Variants in GUCY1A2 observed in about 807,000 individuals in gnomAD.
GUCY1A2 encodes guanylate cyclase soluble subunit alpha-2.
A neutral mutation model predicts 63.5 loss-of-function variants in GUCY1A2; 27 were observed. The ratio of observed to expected loss-of-function variants is 0.43; its 90% CI spans 0.31 to 0.59. The LOEUF is 0.59. Ranked by LOEUF, GUCY1A2 falls within the 20% of genes least tolerant of loss-of-function variation. The pLI is 0.11. For synonymous variants in GUCY1A2, 364 were observed against 343.5 expected (o/e 1.06, Z -0.66); for missense variants, 768 against 913.3 (o/e 0.84, Z 2.05).
At chr11:106,825,104 A>G in intron 4 of GUCY1A2, 2 of 700,154 alleles carry the variant, frequency 2.9e-6, no homozygotes, top group Non-Finnish European at 4.5e-6. Context: ...CTGAAGATCT[A>G]AACTTTTGAG....
At chr11:106,832,651 C>T (rs186988421) in intron 4 of GUCY1A2, among the ~76,000 whole-genome samples, 12 of 152,074 alleles carry the variant, frequency 7.9e-5, no homozygotes, top group Admixed American at 7.9e-4. Context: ...CAGGAAAATC[C>T]CCTATATAAG....
intron 4 of GUCY1A2, among the ~76,000 whole-genome samples, chr11:106,922,176 C>T (rs1162126349): frequency 6.6e-6 from 1 of 152,154 alleles, no homozygotes; most frequent in Non-Finnish European, 1.5e-5. Context: ...CAACATTTGT[C>T]TCTCTGTTTC....
At chr11:106,704,942 T>G (rs1862882499) in intron 7 of GUCY1A2, among the ~76,000 whole-genome samples, 1 of 151,302 alleles carries the variant, frequency 6.6e-6, no homozygotes, top group Non-Finnish European at 1.5e-5. Flanking sequence ...GCATATATTA[T>G]GTGCACTATT....
In GUCY1A2 at chr11:106,761,301, A is replaced by G. The variant is rs117604127; in HGVS notation, c.1836+15138T>C. Among the ~76,000 whole-genome samples, 1,147 of 152,278 alleles carry G rather than the reference A, an allele frequency of 7.5e-3. 4 individuals carry two copies. The highest frequency in any genetic ancestry group is 0.012 in the Non-Finnish European group (791 of 68,026). The stretch of plus-strand genomic sequence containing the variant: ...GCTTACAAAATGTTAGTTATTCACA[A>G]CCAAATTTCCTAAGCTACTATATAA... On this transcript the variant is annotated intron_variant, in intron 6 of 7. Transcript: ENST00000526355.
chr11:106,767,637 C>T (rs923592120), intron 6 of GUCY1A2, among the ~76,000 whole-genome samples: 1 of 152,066 alleles, frequency 6.6e-6, no homozygotes, highest in Non-Finnish European at 1.5e-5. Context: ...CATTGACATA[C>T]ACATCACAGA....
chr11:106,999,745 ATTG>A (rs1201896284), intron 1 of GUCY1A2, among the ~76,000 whole-genome samples: 27 of 152,296 alleles, frequency 1.8e-4, no homozygotes, highest in African/African-American at 6.5e-4. Flanking sequence ...GTCCAATGGA[ATTG>A]TTAATTTCTA....
chr11:106,980,095 A>C (rs1861315296), intron 2 of GUCY1A2, among the ~76,000 whole-genome samples: 1 of 152,208 alleles, frequency 6.6e-6, no homozygotes, highest in Non-Finnish European at 1.5e-5. Context: ...CTGACTGATA[A>C]GAGGAAGAAG....
chr11:106,779,694 C>T (rs1200879515), intron 5 of GUCY1A2, among the ~76,000 whole-genome samples: 8 of 151,984 alleles, frequency 5.3e-5, no homozygotes, highest in Non-Finnish European at 1.2e-4. Context: ...ATATGTATGA[C>T]TAGAATTTGC....
rs1860868934 is a variant in GUCY1A2 at position 106,949,051 on chromosome 11, T to A, written c.488-8873A>T. Among the ~76,000 whole-genome samples, 4 of 152,150 alleles carry A rather than the reference T, an allele frequency of 2.6e-5. No individual in the cohort carries two copies. The South Asian group carries it at 8.3e-4, about 32-fold the overall frequency. ...AGCTAAGCTAAAACTGTCAAAATAA[T>A]TTAGAATATGATTTTTTTATTTTAA... On this transcript the variant is annotated intron_variant, in intron 3 of 7. Coordinates refer to ENST00000526355, the MANE Select transcript of GUCY1A2 (RefSeq NM_000855.3).
chr11:106,841,361 C>T (rs1264332346), intron 4 of GUCY1A2, among the ~76,000 whole-genome samples: 1 of 151,852 alleles, frequency 6.6e-6, no homozygotes, highest in Admixed American at 6.6e-5. Flanking sequence ...TTTCAAAACA[C>T]TTATCATGCT....
At chr11:106,863,483 G>T (rs1396665181) in intron 4 of GUCY1A2, among the ~76,000 whole-genome samples, 1 of 152,100 alleles carries the variant, frequency 6.6e-6, no homozygotes, top group African/African-American at 2.4e-5. Context: ...CCTCTGTTCT[G>T]TTCCATTGGT....
intron 4 of GUCY1A2, among the ~76,000 whole-genome samples, chr11:106,882,010 G>A (rs192402523): frequency 7.2e-5 from 11 of 151,880 alleles, no homozygotes; most frequent in South Asian, 4.1e-4. Flanking sequence ...AGCATGATGA[G>A]TAATTTTTTC....
intron 1 of GUCY1A2, among the ~76,000 whole-genome samples, chr11:106,997,546 C>T (rs1399640799): frequency 6.6e-6 from 1 of 151,906 alleles, no homozygotes; most frequent in Admixed American, 6.6e-5. Flanking sequence ...GGTACAAGGC[C>T]CACAAAAATC....
At chr11:106,822,353 T>C (rs1433822738) in intron 4 of GUCY1A2, among the ~76,000 whole-genome samples, 3 of 152,190 alleles carry the variant, frequency 2.0e-5, no homozygotes, top group African/African-American at 7.2e-5. Context: ...ATTGTTTATT[T>C]ATTTTTCTTT....
intron 4 of GUCY1A2, among the ~76,000 whole-genome samples, chr11:106,896,727 T>C (rs1284883154): frequency 6.6e-6 from 1 of 152,196 alleles, no homozygotes; most frequent in Non-Finnish European, 1.5e-5. Context: ...GGAAGCACCA[T>C]ACTGAAAGCA....
chr11:106,806,783 A>G (rs1233679189), intron 5 of GUCY1A2, among the ~76,000 whole-genome samples: 2 of 152,308 alleles, frequency 1.3e-5, no homozygotes, highest in Non-Finnish European at 2.9e-5. Flanking sequence ...TGCTTGATAT[A>G]TGCACAGCAA....
intron 3 of GUCY1A2, among the ~76,000 whole-genome samples, chr11:106,954,748 C>T (rs572256793): frequency 6.6e-6 from 1 of 152,202 alleles, no homozygotes; most frequent in African/African-American, 2.4e-5. Flanking sequence ...CTTCCCCTTA[C>T]CATTGTATAA....
chr11:106,803,940 A>G (rs1216912150), intron 5 of GUCY1A2, among the ~76,000 whole-genome samples: 1 of 152,252 alleles, frequency 6.6e-6, no homozygotes. Context: ...TTACAGCATT[A>G]TGGTATTTTG....
intron 6 of GUCY1A2, among the ~76,000 whole-genome samples, chr11:106,775,776 A>G (rs1864347008): frequency 6.8e-6 from 1 of 146,186 alleles, no homozygotes; most frequent in Non-Finnish European, 1.5e-5. Flanking sequence ...ACTTCCCCAA[A>G]TATAAGATTT....
Sources: allele counts gnomAD v4.1 joint callset (sites outside exome capture counted in the v4.1 genomes callset), GRCh38; gene constraint gnomAD v4.1.1; transcripts MANE v1.5; gene names NCBI Gene and HGNC (gene_info 2026-07-23, HGNC 2026-07-21).